The following MAX variants were observed in gnomAD, a reference collection of about 807,000 sequenced individuals.
The protein encoded by MAX is MYC associated transcriptional regulator X, also known as protein max.
MAX carries 3 observed loss-of-function variants against 22.3 expected under a neutral mutation model. That is an observed-to-expected ratio of 0.13 (90% CI 0.06 to 0.35). MAX has a LOEUF of 0.35. MAX is among the 10% of genes least tolerant of loss of function. The pLI, the probability that MAX is intolerant of heterozygous loss-of-function variation, is 1.00. For synonymous variants in MAX, 72 were observed against 77.7 expected (o/e 0.93, Z 0.39); for missense variants, 119 against 209.4 (o/e 0.57, Z 2.66).
At chr14:65,063,766 C>T (rs1433968102) in intron 3 of MAX, among the ~76,000 whole-genome samples, 3 of 152,274 alleles carry the variant, frequency 2.0e-5, no homozygotes, top group East Asian at 1.9e-4. Flanking sequence ...GGTTTCACCA[C>T]GTTGCCCAAG....
intron 3 of MAX, among the ~76,000 whole-genome samples, chr14:65,058,268 T>C (rs111883895): frequency 0.01 from 1,515 of 151,378 alleles, 17 homozygotes; most frequent in African/African-American, 0.035. Flanking sequence ...TTTTTTTTTT[T>C]CGGTTAGAGT....
chr14:65,017,490 G>GA (rs1283345459), intron 3 of MAX, among the ~76,000 whole-genome samples: 1 of 152,084 alleles, frequency 6.6e-6, no homozygotes, highest in Non-Finnish European at 1.5e-5. Context: ...AATCGACTGA[G>GA]TTTTTTTCTA....
Position 65,077,652 on chromosome 14 carries a change from CAAG to C in MAX, c.295+258_295+260del. 1.4e-6 allele frequency: 2 copies of C among 1,426,946 alleles called. No homozygotes were observed. The highest frequency in any genetic ancestry group is 1.9e-6 in the Non-Finnish European group (2 of 1,042,108). 88.4% of individuals were successfully genotyped at this position (1,426,946 alleles called of 1,614,324 possible). On this transcript the variant is annotated intron_variant, in intron 4 of 4. Transcript: ENST00000358664. This position sits in a 1 kb window ranked among gnomAD's most constrained non-coding sequence, Gnocchi z 6.3. ...TACTGCAGGCAGAGCACCTGAGCCCCAAGAAGGGGAGAGGTCAGGCCAGAAAAG... is the reference window on the plus strand; with the variant it reads ...TACTGCAGGCAGAGCACCTGAGCCCCAAGGGGAGAGGTCAGGCCAGAAAAG...
rs368362953 is a variant in MAX, at chr14:65,077,369, G to A, written c.295+544C>T. ...ATTTCCTTTTACTTGCATCTTCCAT[G>A]AGGGAGGAAGAGAAGTGAATTCCCC... On this transcript the variant is annotated intron_variant, in intron 4 of 4. Coordinates refer to ENST00000358664, the MANE Select transcript of MAX (RefSeq NM_002382.5). This position sits in a 1 kb window ranked among gnomAD's most constrained non-coding sequence, Gnocchi z 6.3. The A allele has an allele frequency of 6.2e-7, 1 of 1,613,138 alleles. No individual in the cohort carries two copies. The highest frequency in any genetic ancestry group is 1.3e-5 in the African/African-American group (1 of 75,004).
At position 65,078,155 on chromosome 14, in the gene MAX, G is replaced by A; in HGVS notation, c.172-119C>T. ...GAAACGAGAGGGTAAGGTGGGAAAA[G>A]GCTGAAGAAATACAATAATGGCTAC... On this transcript the variant is annotated intron_variant, in intron 3 of 4. Coordinates refer to ENST00000358664, the MANE Select transcript of MAX (RefSeq NM_002382.5). The surrounding 1 kb of genome is among the most constrained non-coding windows in gnomAD (Gnocchi z 6.4). The A allele has an allele frequency of 9.4e-7, 1 of 1,061,026 alleles. No homozygotes were observed. The highest frequency in any genetic ancestry group is 1.4e-6 in the Non-Finnish European group (1 of 690,350). 65.7% of individuals were successfully genotyped at this position (1,061,026 alleles called of 1,614,324 possible). A position where few individuals can be genotyped will look rare whatever the true frequency, so the allele number is the denominator to read the frequency against.
chr14:65,097,360 C>A (rs1441315433), intron 2 of MAX, among the ~76,000 whole-genome samples: 1 of 152,220 alleles, frequency 6.6e-6, no homozygotes, highest in Non-Finnish European at 1.5e-5. Context: ...GAGACTGCAT[C>A]TTTGTTCAAG....
chr14:65,035,747 G>C (rs1426589779), intron 3 of MAX, among the ~76,000 whole-genome samples: 1 of 151,916 alleles, frequency 6.6e-6, no homozygotes, highest in Non-Finnish European at 1.5e-5. Context: ...TTGTCCAGGT[G>C]GGGCTTGAAC....
At position 65,054,547 on chromosome 14, in the gene MAX, G is replaced by A. The variant is rs372013447; in HGVS notation, c.171+39161C>T. The A allele has an allele frequency of 1.2e-5, 19 of 1,599,430 alleles. No homozygotes were observed. Among genetic ancestry groups the A allele is most frequent in the Middle Eastern group, 1.7e-4 (1 of 6,060 alleles). On this transcript the variant is annotated intron_variant, in intron 3 of 3. Transcript: ENST00000341653. The surrounding 1 kb of genome is among the most constrained non-coding windows in gnomAD (Gnocchi z 4.4). ...GTAGATGTGTGCGGAGCAGAGGAGC[G>A]CCTGCTCAGAGCTGCCTGTCCTTAC...
In MAX at chr14:65,092,641, G is replaced by A. The variant is rs1595163745; in HGVS notation, c.171+1067C>T. Among the ~76,000 whole-genome samples the A allele has an allele frequency of 2.0e-5, 3 of 152,142 alleles. No individual in the cohort carries two copies. The East Asian group carries it at 5.8e-4, about 29-fold the overall frequency. ...GCAATACCAGGTATGTACATGGCCT[G>A]TTTTGTTCTTTATAAAGGTCAGAAC... On this transcript the variant is annotated intron_variant, in intron 3 of 4. Coordinates refer to ENST00000358664, the MANE Select transcript of MAX (RefSeq NM_002382.5).
intron 3 of MAX, among the ~76,000 whole-genome samples, chr14:65,042,279 A>G (rs1202301420): frequency 6.6e-6 from 1 of 152,222 alleles, no homozygotes; most frequent in Non-Finnish European, 1.5e-5. Flanking sequence ...TGTAATATAT[A>G]ATGAAATAAT....
chr14:65,010,673 A>C (rs2061668617), intron 3 of MAX, among the ~76,000 whole-genome samples: 1 of 152,114 alleles, frequency 6.6e-6, no homozygotes, highest in African/African-American at 2.4e-5. Context: ...CTCATCTCAA[A>C]AACCTTCAGG....
At chr14:65,083,773 CTAGTTATTT>C in intron 3 of MAX, 1 of 1,109,768 alleles carries the variant, frequency 9.0e-7, no homozygotes, top group Non-Finnish European at 1.1e-6. Flanking sequence ...TTATTTTGTA[CTAGTTATTT>C]TAGAGAAAAT....
intron 3 of MAX, chr14:65,021,884 G>A: frequency 2.2e-6 from 1 of 455,020 alleles, no homozygotes; most frequent in Non-Finnish European, 4.4e-6. Flanking sequence ...GGCCTTAAGT[G>A]ATCCGCCCAC....
chr14:65,040,780 CT>C, intron 3 of MAX: 1 of 1,609,924 alleles, frequency 6.2e-7, no homozygotes, highest in Non-Finnish European at 8.5e-7. Flanking sequence ...TTTTCTCAAT[CT>C]CTTCTTAGGT....
intron 3 of MAX, among the ~76,000 whole-genome samples, chr14:65,037,998 CA>C (rs1481855110): frequency 4.0e-5 from 6 of 151,546 alleles, no homozygotes. Flanking sequence ...CTCCTGACCT[CA>C]AATGATCCTC....
chr14:65,031,028 G>C lies in MAX; in HGVS notation c.172-24744C>G, dbSNP rs559038972. On this transcript the variant is annotated intron_variant, in intron 3 of 3. Coordinates refer to the MAX transcript ENST00000341653. This position sits in a 1 kb window ranked among gnomAD's most constrained non-coding sequence, Gnocchi z 4.6. ...TCACCATGTTGGCCAGGCTAGTCTC[G>C]AACTCCTGACCTCAAATAATCCACC... is the stretch of plus-strand genomic sequence containing the variant. Among the ~76,000 whole-genome samples the C allele has an allele frequency of 6.6e-6, 1 of 151,910 alleles. No homozygotes were observed. The highest frequency in any genetic ancestry group is 2.4e-5 in the African/African-American group (1 of 41,336).
At chr14:65,006,365 C>G in intron 3 of MAX, 1 of 1,574,236 alleles carries the variant, frequency 6.4e-7, no homozygotes, top group Non-Finnish European at 8.6e-7. Flanking sequence ...CTGCATTAAC[C>G]CAATGCTCTG....
chr14:65,043,675 A>G (rs1300774597), intron 3 of MAX, among the ~76,000 whole-genome samples: 4 of 150,870 alleles, frequency 2.7e-5, no homozygotes, highest in African/African-American at 9.8e-5. Context: ...ACAAAAAATT[A>G]GCCGGGCGCG....
chr14:65,027,179 C>T lies in MAX; in HGVS notation c.172-20895G>A, dbSNP rs544130558. 5.9e-5 allele frequency among the ~76,000 whole-genome samples: 9 copies of T among 152,290 alleles called. No individual in the cohort carries two copies. Among genetic ancestry groups the T allele is most frequent in the East Asian group, 1.9e-4 (1 of 5,180 alleles). ...ACGGGAGACTCTTACCCCATAGCTA[C>T]GAAAGTCGGTTTCTTCCCAGCCTTG... is the stretch of plus-strand genomic sequence containing the variant. On this transcript the variant is annotated intron_variant, in intron 3 of 3. Coordinates refer to the MAX transcript ENST00000341653. The surrounding 1 kb of genome is among the most constrained non-coding windows in gnomAD (Gnocchi z 5.7).
Sources: gnomAD v4.1 joint callset for allele counts (sites outside exome capture counted in the v4.1 genomes callset) on GRCh38, gnomAD v4.1.1 for gene constraint, Gnocchi (gnomAD v3.1) non-coding constraint, MANE v1.5 for transcripts, NCBI Gene and HGNC (gene_info 2026-07-23, HGNC 2026-07-21) for gene names.